Variants in TMEM135 observed in about 807,000 individuals in gnomAD.
TMEM135 encodes the protein transmembrane protein 135.
In TMEM135, 30 loss-of-function variants were observed where a neutral mutation model predicts 60.3. That is an observed-to-expected ratio of 0.50 (90% CI 0.37 to 0.68). The LOEUF is 0.68. TMEM135 is among the 30% of genes least tolerant of loss of function. The pLI is 0.00. For synonymous variants in TMEM135, 190 were observed against 186.7 expected, an observed-to-expected ratio of 1.02 and a Z score of -0.14; for missense variants, 468 against 548.8, an observed-to-expected ratio of 0.85 and a Z score of 1.47.
intron 1 of TMEM135, among the ~76,000 whole-genome samples, chr11:87,042,798 T>C (rs901688943): frequency 1.3e-5 from 2 of 151,496 alleles, no homozygotes; most frequent in African/African-American, 2.5e-5. Context: ...CTTTTAATCT[T>C]AGTATCTACA....
chr11:87,284,590 G>A (rs1942129979), intron 6 of TMEM135, among the ~76,000 whole-genome samples: 1 of 152,100 alleles, frequency 6.6e-6, no homozygotes, highest in Non-Finnish European at 1.5e-5. Flanking sequence ...GCTTTGCTTG[G>A]GCTCTTGAAG....
At chr11:87,061,506 A>C (rs1447907127) in intron 1 of TMEM135, among the ~76,000 whole-genome samples, 1 of 152,142 alleles carries the variant, frequency 6.6e-6, no homozygotes, top group African/African-American at 2.4e-5. Flanking sequence ...CATAAAATTG[A>C]CTCTTATTTG....
intron 5 of TMEM135, among the ~76,000 whole-genome samples, chr11:87,205,557 TAG>T (rs1316447358): frequency 6.6e-6 from 1 of 152,166 alleles, no homozygotes; most frequent in Non-Finnish European, 1.5e-5. Context: ...TCCATTTTTG[TAG>T]AGAGACATAA....
At chr11:87,108,858 T>C (rs1040976513) in intron 4 of TMEM135, among the ~76,000 whole-genome samples, 2 of 152,178 alleles carry the variant, frequency 1.3e-5, no homozygotes, top group East Asian at 3.8e-4. Flanking sequence ...AGTTCATTAA[T>C]AGGTGATTCG....
intron 5 of TMEM135, 33 bp downstream of exon 5, chr11:87,157,439 G>T (rs1463666211): frequency 6.3e-7 from 1 of 1,575,808 alleles, no homozygotes; most frequent in African/African-American, 1.4e-5. Context: ...GTTATTAGTT[G>T]TTAATTTATA....
chr11:87,318,366 T>C, intron 13 of TMEM135, 131 bp downstream of exon 13: 3 of 759,518 alleles, frequency 3.9e-6, no homozygotes, highest in South Asian at 3.3e-5. Context: ...TTTTTTGTTT[T>C]GTTTTGTTTT....
At chr11:87,313,099 G>C (rs191025362) in intron 10 of TMEM135, among the ~76,000 whole-genome samples, 1 of 151,848 alleles carries the variant, frequency 6.6e-6, no homozygotes, top group East Asian at 1.9e-4. Flanking sequence ...TTGTAGTTTA[G>C]CCAGCTTTTT....
intron 6 of TMEM135, among the ~76,000 whole-genome samples, chr11:87,257,640 T>A (rs980202255): frequency 4.6e-5 from 7 of 152,218 alleles, no homozygotes; most frequent in African/African-American, 1.7e-4. Flanking sequence ...ACGTCATATT[T>A]ATATGATTCT....
At chr11:87,124,819 G>A (rs1937680667) in intron 4 of TMEM135, among the ~76,000 whole-genome samples, 1 of 151,298 alleles carries the variant, frequency 6.6e-6, no homozygotes, top group Non-Finnish European at 1.5e-5. Flanking sequence ...TCCCCTCTAT[G>A]CCTTCCTCTC....
chr11:87,124,732 T>C (rs1397260975), intron 4 of TMEM135, among the ~76,000 whole-genome samples: 1 of 152,164 alleles, frequency 6.6e-6, no homozygotes, highest in Non-Finnish European at 1.5e-5. Flanking sequence ...TCCATAGCTG[T>C]TAGTTCATTA....
chr11:87,228,387 T>A (rs1940812553), intron 5 of TMEM135, among the ~76,000 whole-genome samples: 2 of 152,156 alleles, frequency 1.3e-5, no homozygotes, highest in Admixed American at 6.6e-5. Context: ...TATAAAATAT[T>A]AGAAACACAT....
At chr11:87,042,710 A>G (rs936694997) in intron 1 of TMEM135, among the ~76,000 whole-genome samples, 11 of 152,164 alleles carry the variant, frequency 7.2e-5, no homozygotes, top group African/African-American at 2.7e-4. Context: ...CATTGGAAAC[A>G]TTATCATGTG....
At chr11:87,068,162 C>T (rs1281297083) in intron 2 of TMEM135, among the ~76,000 whole-genome samples, 1 of 152,132 alleles carries the variant, frequency 6.6e-6, no homozygotes, top group Non-Finnish European at 1.5e-5. Flanking sequence ...CTGTCTATGA[C>T]ATGGGTTAGG....
intron 4 of TMEM135, among the ~76,000 whole-genome samples, chr11:87,142,233 T>A (rs1938281385): frequency 6.6e-6 from 1 of 152,054 alleles, no homozygotes; most frequent in African/African-American, 2.4e-5. Context: ...CTTGGTAGTG[T>A]TGGTAGGGAG....
At chr11:87,236,533 T>C (rs1940999506) in intron 5 of TMEM135, 105 bp from the exon 6 acceptor site, 1 of 956,310 alleles carries the variant, frequency 1.0e-6, no homozygotes, top group East Asian at 2.4e-5. Flanking sequence ...TGTATATCCT[T>C]TTATTGTTTC....
At chr11:87,096,499 C>CT in intron 4 of TMEM135, 1 of 152,414 alleles carries the variant, frequency 6.6e-6, no homozygotes, top group South Asian at 2.1e-4. Context: ...ATATTTCAGT[C>CT]TTTCTTCTTG....
intron 5 of TMEM135, among the ~76,000 whole-genome samples, chr11:87,194,658 AT>A (rs1565481792): frequency 6.6e-6 from 1 of 152,122 alleles, no homozygotes; most frequent in East Asian, 1.9e-4. Flanking sequence ...CTTGTTCCTA[AT>A]TTATTATATT....
chr11:87,224,829 T>C (rs548264976), intron 5 of TMEM135, among the ~76,000 whole-genome samples: 2 of 152,094 alleles, frequency 1.3e-5, no homozygotes, highest in South Asian at 4.2e-4. Flanking sequence ...GAATGATCTC[T>C]TGTAAGTTTA....
At chr11:87,222,180 T>TAAAAAAAAAA (rs1565491298) in intron 5 of TMEM135, among the ~76,000 whole-genome samples, 4 of 13,882 alleles carry the variant, frequency 2.9e-4, no homozygotes, top group Non-Finnish European at 8.7e-4. Flanking sequence ...AGACTCTGTC[T>TAAAAAAAAAA]CAAAAAAAAA....
Sources: gnomAD v4.1 joint callset for allele counts (sites outside exome capture counted in the v4.1 genomes callset) on GRCh38, gnomAD v4.1.1 for gene constraint, MANE v1.5 for transcripts, NCBI Gene and HGNC (gene_info 2026-07-23, HGNC 2026-07-21) for gene names.